The following DDC variants were observed in gnomAD, a reference collection of about 807,000 sequenced individuals.
DDC encodes dopa decarboxylase, also known as aromatic-L-amino-acid decarboxylase.
A neutral mutation model predicts 60.0 loss-of-function variants in DDC; 43 were observed. The observed-to-expected ratio is 0.72, with a 90% CI of 0.56 to 0.92. The LOEUF is 0.92. Among genes scored for constraint, DDC ranks in the 40% least tolerant of loss-of-function variants. The probability of loss-of-function intolerance (pLI) is 0.00; values close to 1 mark genes in which losing one functional copy is unlikely to be tolerated. For missense variants in DDC, 573 were observed against 620.2 expected (o/e 0.92, Z 0.81); for synonymous variants, 232 against 234.6 (o/e 0.99, Z 0.10).
intron 4 of DDC, among the ~76,000 whole-genome samples, chr7:50,530,861 A>C (rs2044182244): frequency 6.6e-6 from 1 of 152,214 alleles, no homozygotes; most frequent in Non-Finnish European, 1.5e-5. Flanking sequence ...TAAAATAATT[A>C]AGTAGAAATG....
chr7:50,518,629 A>G (rs530830531), intron 6 of DDC, among the ~76,000 whole-genome samples: 1 of 152,274 alleles, frequency 6.6e-6, no homozygotes, highest in East Asian at 1.9e-4. Flanking sequence ...CAAAAACATA[A>G]AGTGGGGGAA....
At chr7:50,466,493 G>GAAAA (rs57396757) in intron 13 of DDC, among the ~76,000 whole-genome samples, 2 of 64,082 alleles carry the variant, frequency 3.1e-5, no homozygotes, top group Admixed American at 2.0e-4. Context: ...TCTCCAAAAA[G>GAAAA]AAAAAAAAAA....
At chr7:50,488,655 T>C (rs915371442) in intron 9 of DDC, among the ~76,000 whole-genome samples, 3 of 152,136 alleles carry the variant, frequency 2.0e-5, no homozygotes, top group Admixed American at 6.5e-5. Context: ...AAGTTGGCCA[T>C]AATTAAAAGA....
At chr7:50,471,212 T>C (rs1331820407) in intron 11 of DDC, among the ~76,000 whole-genome samples, 1 of 152,164 alleles carries the variant, frequency 6.6e-6, no homozygotes, top group African/African-American at 2.4e-5. Context: ...ACCAACATGA[T>C]GAAACCCTCT....
intron 3 of DDC, among the ~76,000 whole-genome samples, chr7:50,539,557 G>A (rs559153608): frequency 2.0e-5 from 3 of 152,088 alleles, no homozygotes; most frequent in South Asian, 2.1e-4. Flanking sequence ...GGGCAGTCGC[G>A]GTTCTCAAGC....
At chr7:50,461,186 A>G (rs1334957865) in intron 14 of DDC, among the ~76,000 whole-genome samples, 2 of 152,240 alleles carry the variant, frequency 1.3e-5, no homozygotes, top group Non-Finnish European at 2.9e-5. Flanking sequence ...AAGAGTTTGA[A>G]CTTAAATAAA....
At chr7:50,561,872 TG>T (rs1249632727) in intron 1 of DDC, among the ~76,000 whole-genome samples, 3 of 151,754 alleles carry the variant, frequency 2.0e-5, no homozygotes, top group Non-Finnish European at 4.4e-5. Context: ...ACACACACCA[TG>T]CACACTTATG....
At chr7:50,558,907 C>T (rs1035437604) in intron 1 of DDC, among the ~76,000 whole-genome samples, 2 of 152,174 alleles carry the variant, frequency 1.3e-5, no homozygotes, top group Non-Finnish European at 2.9e-5. Context: ...AATGTGGCTT[C>T]GGGTGGGAGT....
intron 9 of DDC, among the ~76,000 whole-genome samples, chr7:50,481,156 C>T (rs184900873): frequency 4.5e-4 from 69 of 152,248 alleles, no homozygotes; most frequent in African/African-American, 1.6e-3. Context: ...TGTGGCTTAC[C>T]AAGGAGGTGA....
intron 9 of DDC, among the ~76,000 whole-genome samples, chr7:50,489,522 A>G (rs191446524): frequency 6.6e-6 from 1 of 152,332 alleles, no homozygotes; most frequent in East Asian, 1.9e-4. Flanking sequence ...TAAAAAAGAT[A>G]CCAAGTCCAG....
chr7:50,486,299 T>G (rs1169913751), intron 9 of DDC, among the ~76,000 whole-genome samples: 2 of 152,224 alleles, frequency 1.3e-5, no homozygotes, highest in Non-Finnish European at 2.9e-5. Context: ...GTTTGCATAC[T>G]ATCAGATACA....
intron 1 of DDC, among the ~76,000 whole-genome samples, chr7:50,557,856 TGTC>T (rs2045235413): frequency 6.6e-6 from 1 of 152,228 alleles, no homozygotes. Context: ...GATACAGAAA[TGTC>T]ACCCACCATC....
intron 9 of DDC, chr7:50,492,891 G>T: frequency 6.3e-7 from 1 of 1,591,768 alleles, no homozygotes; most frequent in South Asian, 1.1e-5. Context: ...CGGCAGCCTC[G>T]GGGCATCAGC....
Position 50,529,302 on chromosome 7 carries a change from G to A in DDC, c.476C>T (p.Ala159Val), listed in dbSNP as rs201828034. 1.1e-5 allele frequency: 17 copies of A among 1,614,210 alleles called. No individual in the cohort carries two copies. Among genetic ancestry groups the A allele is most frequent in the Non-Finnish European group, 1.4e-5 (16 of 1,180,048 alleles). Reference sequence around the variant, plus strand: ...CAGCCGATGGATCACTTTGGTCCGAGCGGCCAGCAGGGCCACCAGGGTGGC... The same window carrying A: ...CAGCCGATGGATCACTTTGGTCCGAACGGCCAGCAGGGCCACCAGGGTGGC... ...SEATLVALLA[A>V]RTKVIHRLQA... is the part of the protein sequence containing the mutation. The change falls in exon 5 of 15, where the codon GCT becomes GTT. Residue 159 changes from alanine (A) to valine (V), a missense_variant. By Grantham distance (64) the Ala-to-Val change is moderately conservative. Coordinates refer to ENST00000444124, the MANE Select transcript of DDC (RefSeq NM_001082971.2).
intron 6 of DDC, among the ~76,000 whole-genome samples, chr7:50,516,728 A>C (rs2043741628): frequency 6.6e-6 from 1 of 152,164 alleles, no homozygotes; most frequent in Admixed American, 6.5e-5. Flanking sequence ...TAACCTCACT[A>C]AGAAACGAAA....
intron 6 of DDC, among the ~76,000 whole-genome samples, chr7:50,523,660 C>T (rs577611292): frequency 1.8e-4 from 28 of 152,218 alleles, no homozygotes; most frequent in African/African-American, 6.7e-4. Flanking sequence ...ATAAAAAACA[C>T]TGAAAAAAAT....
chr7:50,510,074 C>T (rs527777347), intron 6 of DDC, among the ~76,000 whole-genome samples: 1 of 152,018 alleles, frequency 6.6e-6, no homozygotes, highest in South Asian at 2.1e-4. Context: ...GGGGTTCAGG[C>T]CATTCTCTCA....
intron 9 of DDC, among the ~76,000 whole-genome samples, chr7:50,490,585 G>A (rs1020890757): frequency 3.9e-5 from 6 of 152,140 alleles, no homozygotes; most frequent in Admixed American, 6.5e-5. Context: ...CAGGAGACTC[G>A]CTTGAACCTG....
intron 8 of DDC, among the ~76,000 whole-genome samples, chr7:50,496,579 C>A (rs1178747753): frequency 1.3e-5 from 2 of 152,104 alleles, no homozygotes; most frequent in African/African-American, 4.8e-5. Flanking sequence ...TCTGCATTTT[C>A]CCTGAGCTGT....
Sources: gnomAD v4.1 joint callset for allele counts (sites outside exome capture counted in the v4.1 genomes callset) on GRCh38, gnomAD v4.1.1 for gene constraint, MANE v1.5 for transcripts, NCBI Gene and HGNC (gene_info 2026-07-23, HGNC 2026-07-21) for gene names.